Variants in PITPNC1 observed in about 807,000 individuals in gnomAD.
PITPNC1 encodes phosphatidylinositol transfer protein cytoplasmic 1, also known as cytoplasmic phosphatidylinositol transfer protein 1.
In PITPNC1, 18 loss-of-function variants were observed where a neutral mutation model predicts 44.7. The observed-to-expected ratio is 0.40, with a 90% CI of 0.28 to 0.60. The LOEUF (loss-of-function observed/expected upper bound fraction) is 0.60. Ranked by LOEUF, PITPNC1 falls within the 20% of genes least tolerant of loss-of-function variation. The pLI is 0.39. For missense variants in PITPNC1, 290 were observed against 418.4 expected, an observed-to-expected ratio of 0.69 and a Z score of 2.68; for synonymous variants, 141 against 149.6, an observed-to-expected ratio of 0.94 and a Z score of 0.42.
chr17:67,673,993 A>T (rs2042558693), intron 7 of PITPNC1, among the ~76,000 whole-genome samples: 1 of 151,034 alleles, frequency 6.6e-6, no homozygotes, highest in African/African-American at 2.4e-5. Context: ...AAAAAAAGAT[A>T]AAAAGAAAAA....
At chr17:67,531,104 G>C (rs1000759562) in intron 1 of PITPNC1, among the ~76,000 whole-genome samples, 6 of 151,088 alleles carry the variant, frequency 4.0e-5, no homozygotes, top group African/African-American at 1.5e-4. Context: ...TTAGCTGGGC[G>C]TGCTGGTGCG....
At chr17:67,547,461 A>G (rs991444565) in intron 2 of PITPNC1, among the ~76,000 whole-genome samples, 2 of 152,220 alleles carry the variant, frequency 1.3e-5, no homozygotes, top group African/African-American at 4.8e-5. Flanking sequence ...GGCTGCAGTG[A>G]GATACGATCA....
chr17:67,609,663 G>C (rs1197077747), intron 5 of PITPNC1, among the ~76,000 whole-genome samples: 1 of 151,910 alleles, frequency 6.6e-6, no homozygotes, highest in East Asian at 1.9e-4. Flanking sequence ...GAGAGAGCAG[G>C]AAGAATCCCA....
chr17:67,537,620 A>T (rs926181791), intron 2 of PITPNC1, among the ~76,000 whole-genome samples: 3 of 152,168 alleles, frequency 2.0e-5, no homozygotes, highest in Non-Finnish European at 4.4e-5. Context: ...TCAAATCTCA[A>T]ATCAATCTAT....
At position 67,676,310 on chromosome 17, in the gene PITPNC1, A is replaced by C. The variant is rs1376638925; in HGVS notation, c.682+768A>C. Among the ~76,000 whole-genome samples the C allele has an allele frequency of 6.6e-6, 1 of 152,150 alleles. No individual in the cohort carries two copies. The highest frequency in any genetic ancestry group is 2.4e-5 in the African/African-American group (1 of 41,440). On this transcript the variant is annotated intron_variant, in intron 8 of 8. Transcript: ENST00000581322. This position sits in a 1 kb window ranked among gnomAD's most constrained non-coding sequence, Gnocchi z 4.0. Reference sequence around the variant, plus strand: ...GAGGCATAGGTGCCCCGTTCATCCTAATTGAAACTATTGTTCTGGCTTTTT... The same window carrying C: ...GAGGCATAGGTGCCCCGTTCATCCTCATTGAAACTATTGTTCTGGCTTTTT...
chr17:67,631,937 A>G (rs1012589195), intron 5 of PITPNC1, among the ~76,000 whole-genome samples: 4 of 151,118 alleles, frequency 2.6e-5, no homozygotes, highest in African/African-American at 9.7e-5. Context: ...GCAGTGATTG[A>G]TGCTACACCT....
intron 5 of PITPNC1, among the ~76,000 whole-genome samples, chr17:67,592,385 G>A (rs1236145774): frequency 6.6e-6 from 1 of 152,188 alleles, no homozygotes; most frequent in Non-Finnish European, 1.5e-5. Flanking sequence ...TACTCCATGT[G>A]CATGGAGCAA....
At chr17:67,599,028 A>ATTTTT (rs1415786986) in intron 5 of PITPNC1, among the ~76,000 whole-genome samples, 1 of 32,644 alleles carries the variant, frequency 3.1e-5, no homozygotes, top group African/African-American at 1.3e-4. Context: ...ATATATATAT[A>ATTTTT]TATATATTTT....
chr17:67,496,283 TCTTTA>T (rs2039951537), intron 1 of PITPNC1, among the ~76,000 whole-genome samples: 1 of 152,246 alleles, frequency 6.6e-6, no homozygotes, highest in South Asian at 2.1e-4. Context: ...TTCCTCCTAC[TCTTTA>T]CTTTAACTAC....
intron 5 of PITPNC1, among the ~76,000 whole-genome samples, chr17:67,605,067 A>T (rs1400160036): frequency 6.6e-6 from 1 of 152,188 alleles, no homozygotes; most frequent in East Asian, 1.9e-4. Context: ...CAACAGGGTG[A>T]GATTCTGTCT....
At chr17:67,647,447 C>A (rs1317145504) in intron 6 of PITPNC1, among the ~76,000 whole-genome samples, 2 of 146,356 alleles carry the variant, frequency 1.4e-5, no homozygotes, top group Non-Finnish European at 1.5e-5. Context: ...CACACCATCA[C>A]ACCCAGCTAA....
At position 67,423,092 on chromosome 17, in the gene PITPNC1, C is replaced by T. The variant is rs189435552; in HGVS notation, c.48+44890C>T. Among the ~76,000 whole-genome samples the T allele has an allele frequency of 1.5e-3, 232 of 151,958 alleles. 1 individual carries two copies. Among genetic ancestry groups the T allele is most frequent in the Non-Finnish European group, 1.7e-3 (117 of 67,986 alleles). On this transcript the variant is annotated intron_variant, in intron 1 of 8. Coordinates refer to ENST00000581322, the MANE Select transcript of PITPNC1 (RefSeq NM_012417.4). ...ACTGTTTTGATATGTTGAACAAAGT[C>T]CATTGATTCTTCATGGAGGAGTGCT...
At chr17:67,391,195 CATCTTT>C (rs2038133781) in intron 1 of PITPNC1, among the ~76,000 whole-genome samples, 2 of 151,726 alleles carry the variant, frequency 1.3e-5, no homozygotes, top group African/African-American at 4.8e-5. Context: ...CATATCTGAC[CATCTTT>C]AGGGTGTTGT....
intron 5 of PITPNC1, among the ~76,000 whole-genome samples, chr17:67,578,973 C>A (rs920972861): frequency 6.6e-6 from 1 of 152,166 alleles, no homozygotes; most frequent in Non-Finnish European, 1.5e-5. Context: ...CAGAGCGAGA[C>A]TCCATCTCAA....
chr17:67,460,740 CTTTTTTTTTTT>C (rs138545288), intron 1 of PITPNC1, among the ~76,000 whole-genome samples: 25,225 of 121,670 alleles, frequency 0.21, 2,516 homozygotes, highest in Middle Eastern at 0.23. Context: ...TTCTTTCTTT[CTTTTTTTTTTT>C]TTTTTTTTTT....
intron 1 of PITPNC1, among the ~76,000 whole-genome samples, chr17:67,514,344 C>T (rs1229452352): frequency 6.6e-6 from 1 of 151,984 alleles, no homozygotes; most frequent in African/African-American, 2.4e-5. Context: ...AGATTACCGG[C>T]ACCCACCAGC....
At chr17:67,494,433 C>A (rs1208675276) in intron 1 of PITPNC1, among the ~76,000 whole-genome samples, 1 of 151,928 alleles carries the variant, frequency 6.6e-6, no homozygotes, top group African/African-American at 2.4e-5. Context: ...CTCCTGTCCT[C>A]GTGATCCACC....
At chr17:67,554,612 A>G (rs944121036) in intron 4 of PITPNC1, among the ~76,000 whole-genome samples, 1 of 152,192 alleles carries the variant, frequency 6.6e-6, no homozygotes, top group Non-Finnish European at 1.5e-5. Flanking sequence ...GTTCAATCCA[A>G]ATAGCCAAAG....
At chr17:67,455,579 C>T (rs1641717076) in intron 1 of PITPNC1, among the ~76,000 whole-genome samples, 1 of 151,156 alleles carries the variant, frequency 6.6e-6, no homozygotes, top group African/African-American at 2.4e-5. Context: ...ACCACCATGC[C>T]CAGCTAGTTT....
Sources: gnomAD v4.1 joint callset for allele counts (sites outside exome capture counted in the v4.1 genomes callset) on GRCh38, gnomAD v4.1.1 for gene constraint, Gnocchi (gnomAD v3.1) non-coding constraint, MANE v1.5 for transcripts, NCBI Gene and HGNC (gene_info 2026-07-23, HGNC 2026-07-21) for gene names.